Variants in ANKS1B observed in about 807,000 individuals in gnomAD.
The protein encoded by ANKS1B is ankyrin repeat and sterile alpha motif domain containing 1B.
A neutral mutation model predicts 148.3 loss-of-function variants in ANKS1B; 36 were observed. The observed-to-expected ratio is 0.24, with a 90% CI of 0.19 to 0.32. The LOEUF (loss-of-function observed/expected upper bound fraction) is 0.32. Ranked by LOEUF, ANKS1B falls within the 10% of genes least tolerant of loss-of-function variation. ANKS1B has a pLI of 1.00. For synonymous variants in ANKS1B, 542 were observed against 560.8 expected, an observed-to-expected ratio of 0.97 and a Z score of 0.47; for missense variants, 1,157 against 1,542.6, an observed-to-expected ratio of 0.75 and a Z score of 4.19.
chr12:99,824,607 A>AT (rs1198723759), intron 2 of ANKS1B, among the ~76,000 whole-genome samples: 2 of 151,892 alleles, frequency 1.3e-5, no homozygotes, highest in Non-Finnish European at 1.5e-5. Flanking sequence ...GAAGAGGGTC[A>AT]TTTTTTTTCT....
At chr12:99,970,583 C>T (rs1240811926) in intron 1 of ANKS1B, among the ~76,000 whole-genome samples, 1 of 151,546 alleles carries the variant, frequency 6.6e-6, no homozygotes, top group Non-Finnish European at 1.5e-5. Flanking sequence ...GGCTCAAACT[C>T]CTTAGGGCAA....
intron 17 of ANKS1B, among the ~76,000 whole-genome samples, chr12:98,878,041 A>G (rs1376089109): frequency 3.9e-5 from 6 of 152,116 alleles, no homozygotes; most frequent in Admixed American, 2.6e-4. Flanking sequence ...TTGAGTATAT[A>G]CAGTATACTC....
intron 17 of ANKS1B, among the ~76,000 whole-genome samples, chr12:98,853,526 A>C (rs758074763): frequency 6.6e-6 from 1 of 152,192 alleles, no homozygotes; most frequent in Non-Finnish European, 1.5e-5. Flanking sequence ...GTATGTAACT[A>C]CAAGAACTTT....
intron 8 of ANKS1B, among the ~76,000 whole-genome samples, chr12:99,674,528 T>C (rs906347869): frequency 1.3e-4 from 19 of 151,776 alleles, no homozygotes; most frequent in African/African-American, 4.1e-4. Context: ...GCAAGAATAA[T>C]AGAGTAAATA....
chr12:99,443,389 A>T (rs999577141), intron 11 of ANKS1B, among the ~76,000 whole-genome samples: 1 of 152,028 alleles, frequency 6.6e-6, no homozygotes, highest in African/African-American at 2.4e-5. Flanking sequence ...GAGCATAATT[A>T]TTAAAATGTT....
chr12:99,151,840 T>G (rs2153819083), intron 15 of ANKS1B, among the ~76,000 whole-genome samples: 1 of 152,342 alleles, frequency 6.6e-6, no homozygotes, highest in East Asian at 1.9e-4. Context: ...GGATGCACTA[T>G]GATGTTTCAA....
At chr12:99,155,335 A>AT (rs1566500687) in intron 14 of ANKS1B, among the ~76,000 whole-genome samples, 1 of 152,182 alleles carries the variant, frequency 6.6e-6, no homozygotes, top group South Asian at 2.1e-4. Context: ...CGAGATATAT[A>AT]TTTTTTTCTT....
At chr12:99,935,579 A>G in intron 1 of ANKS1B, among the ~76,000 whole-genome samples, 1 of 152,174 alleles carries the variant, frequency 6.6e-6, no homozygotes, top group Non-Finnish European at 1.5e-5. Flanking sequence ...TTTAAGACAG[A>G]CACTCACCCA....
At chr12:98,894,586 G>T in intron 17 of ANKS1B, 3 of 985,356 alleles carry the variant, frequency 3.0e-6, no homozygotes, top group Non-Finnish European at 3.6e-6. Context: ...ACGTCTCGGC[G>T]AGCGGGGGCC....
intron 12 of ANKS1B, among the ~76,000 whole-genome samples, chr12:99,383,080 T>G (rs10777974): frequency 0.41 from 61,956 of 151,894 alleles, 13,823 homozygotes; most frequent in African/African-American, 0.59. Flanking sequence ...GCTACTGACT[T>G]ACCTGTAACA....
intron 19 of ANKS1B, among the ~76,000 whole-genome samples, chr12:98,826,999 A>G (rs1470225183): frequency 2.0e-5 from 3 of 152,380 alleles, no homozygotes; most frequent in African/African-American, 7.2e-5. Flanking sequence ...ACAAACATCA[A>G]TTGAGTAGTT....
chr12:99,494,949 C>A (rs570448346), intron 10 of ANKS1B, among the ~76,000 whole-genome samples: 1 of 151,992 alleles, frequency 6.6e-6, no homozygotes, highest in Admixed American at 6.6e-5. Context: ...AGGAAGTTAA[C>A]AAAGTTCCAT....
chr12:99,077,076 A>T (rs190848961), intron 16 of ANKS1B, among the ~76,000 whole-genome samples: 1 of 152,106 alleles, frequency 6.6e-6, no homozygotes, highest in African/African-American at 2.4e-5. Context: ...AACAAAAAAA[A>T]CCCCACAAGA....
chr12:99,419,312 A>G (rs1395119989), intron 11 of ANKS1B, among the ~76,000 whole-genome samples: 3 of 152,212 alleles, frequency 2.0e-5, no homozygotes, highest in Non-Finnish European at 2.9e-5. Context: ...CACATTATGT[A>G]TTACATATTG....
chr12:99,652,550 TA>T (rs200194085), intron 9 of ANKS1B, among the ~76,000 whole-genome samples: 6 of 150,868 alleles, frequency 4.0e-5, no homozygotes, highest in East Asian at 1.9e-4. Flanking sequence ...TAAATTCAGT[TA>T]AAAAAAAACA....
At chr12:99,479,928 G>A (rs2096384083) in intron 10 of ANKS1B, among the ~76,000 whole-genome samples, 1 of 151,772 alleles carries the variant, frequency 6.6e-6, no homozygotes, top group Non-Finnish European at 1.5e-5. Context: ...TATGTGAGGT[G>A]ATGGATATGT....
chr12:99,083,007 A>G (rs2050356117), intron 16 of ANKS1B, among the ~76,000 whole-genome samples: 2 of 152,128 alleles, frequency 1.3e-5, no homozygotes, highest in Non-Finnish European at 2.9e-5. Context: ...AGAGGTGAAC[A>G]ATATGCTCAT....
In ANKS1B at chr12:99,669,609, G is replaced by A. The variant is rs542824341; in HGVS notation, c.1129-14399C>T. 7.9e-5 allele frequency among the ~76,000 whole-genome samples: 12 copies of A among 152,132 alleles called. No homozygotes were observed. In the South Asian group the frequency reaches 2.5e-3, roughly 32 times the overall value. On this transcript the variant is annotated intron_variant, in intron 8 of 26. Transcript: ENST00000683438. Reference sequence around the variant, plus strand: ...TTGTTGGCCTTGTGTGAGCTCCAGGGATTTTTCTGTTTATGTATCTCCAGT... The same window carrying A: ...TTGTTGGCCTTGTGTGAGCTCCAGGAATTTTTCTGTTTATGTATCTCCAGT...
At chr12:99,848,288 T>TGGAAGAATGGGGGCCAGGGACAGAG (rs2087049258) in intron 1 of ANKS1B, among the ~76,000 whole-genome samples, 1 of 151,948 alleles carries the variant, frequency 6.6e-6, no homozygotes, top group Non-Finnish European at 1.5e-5. Context: ...CCCTGCAAAG[T>TGGAAGAATGGGGGCCAGGGACAGAG]GGAAGAATGG....
Sources: gnomAD v4.1 joint callset for allele counts (sites outside exome capture counted in the v4.1 genomes callset) on GRCh38, gnomAD v4.1.1 for gene constraint, MANE v1.5 for transcripts, NCBI Gene and HGNC (gene_info 2026-07-23, HGNC 2026-07-21) for gene names.